Variants in MCPH1 observed in about 807,000 individuals in gnomAD.
MCPH1 encodes microcephalin.
Under a neutral mutation model 84.5 loss-of-function variants are expected in MCPH1, and 104 were observed. That is an observed-to-expected ratio of 1.23 (90% CI 1.05 to 1.45). The LOEUF (loss-of-function observed/expected upper bound fraction) is 1.45, where lower values mean the gene tolerates loss of function less well. Ranked by LOEUF, MCPH1 falls within the 40% of genes most tolerant of loss-of-function variation. The probability of loss-of-function intolerance (pLI) is 0.00; values close to 1 mark genes in which losing one functional copy is unlikely to be tolerated. For synonymous variants in MCPH1, 514 were observed against 366.8 expected, an observed-to-expected ratio of 1.40 and a Z score of -4.58; for missense variants, 1,498 against 1,005.7, an observed-to-expected ratio of 1.49 and a Z score of -6.62.
At chr8:6,558,952 T>G (rs1825081171) in intron 12 of MCPH1, among the ~76,000 whole-genome samples, 1 of 152,118 alleles carries the variant, frequency 6.6e-6, no homozygotes, top group South Asian at 2.1e-4. Flanking sequence ...AAATTAAATA[T>G]GTTGCAGTTC....
At chr8:6,624,522 C>T in intron 13 of MCPH1, among the ~76,000 whole-genome samples, 1 of 152,186 alleles carries the variant, frequency 6.6e-6, no homozygotes, top group Admixed American at 6.5e-5. Context: ...ACGTAGTTCT[C>T]AAGTATTTAT....
Position 6,627,202 on chromosome 8 carries a change from C to T in MCPH1, c.2452+5511C>T, listed in dbSNP as rs1270878163. The T allele has an allele frequency of 2.1e-5, 21 of 985,400 alleles. No homozygotes were observed. In the East Asian group the frequency reaches 5.7e-4, roughly 27 times the overall value. The allele number at this position is 985,400 out of a possible 1,614,324, so 61.0% of individuals were successfully genotyped here. A position where few individuals can be genotyped will look rare whatever the true frequency, so the allele number is the denominator to read the frequency against. ...GGCCACTCGGGAGGCCTCAGGCCTT[C>T]GGGCTTCCTGATTCAGTAGATATGT... On this transcript the variant is annotated intron_variant, in intron 13 of 13. Transcript: ENST00000344683.
chr8:6,597,298 C>T (rs767751015), intron 12 of MCPH1, among the ~76,000 whole-genome samples: 2 of 152,188 alleles, frequency 1.3e-5, no homozygotes. Flanking sequence ...GAAAGCAGGA[C>T]ACAGGCAAGC....
At chr8:6,509,535 GA>G (rs1814521365) in intron 12 of MCPH1, among the ~76,000 whole-genome samples, 1 of 152,164 alleles carries the variant, frequency 6.6e-6, no homozygotes. Flanking sequence ...GAAATCTACA[GA>G]ACGGTGCTGA....
intron 10 of MCPH1, among the ~76,000 whole-genome samples, chr8:6,479,756 G>A (rs1808952675): frequency 6.6e-6 from 1 of 152,106 alleles, no homozygotes; most frequent in African/African-American, 2.4e-5. Context: ...TATTATAAAA[G>A]GGAAGAAAGA....
At chr8:6,593,243 C>T (rs1267884893) in intron 12 of MCPH1, among the ~76,000 whole-genome samples, 1 of 150,570 alleles carries the variant, frequency 6.6e-6, no homozygotes, top group African/African-American at 2.5e-5. Context: ...GCTACCATGC[C>T]CGGCTAATTT....
chr8:6,504,041 G>A lies in MCPH1; in HGVS notation c.2214+4112G>A, dbSNP rs530552842. Among the ~76,000 whole-genome samples the A allele has an allele frequency of 9.2e-5, 14 of 152,324 alleles. No individual in the cohort carries two copies. In the South Asian group the frequency reaches 2.7e-3, roughly 29 times the overall value. ...TAGAAATATTCTATAAGCAGGGGCC[G>A]GGCGCAGTGGCTCACGCCTGTAATC... On this transcript the variant is annotated intron_variant, in intron 12 of 13. Transcript: ENST00000344683.
At chr8:6,443,792 A>T (rs746310343) in intron 7 of MCPH1, among the ~76,000 whole-genome samples, 64 of 152,204 alleles carry the variant, frequency 4.2e-4, no homozygotes, top group African/African-American at 7.5e-4. Flanking sequence ...AGTGTGGAGG[A>T]AAGGGGAAGG....
At chr8:6,562,572 G>GTTTTTAAAAACA in intron 12 of MCPH1, 1 of 42,834 alleles carries the variant, frequency 2.3e-5, no homozygotes. Context: ...TTTTTTTTTT[G>GTTTTTAAAAACA]GTTGTTAAAA....
intron 12 of MCPH1, among the ~76,000 whole-genome samples, chr8:6,545,544 T>C (rs1822432286): frequency 6.6e-6 from 1 of 152,240 alleles, no homozygotes; most frequent in Non-Finnish European, 1.5e-5. Flanking sequence ...TAGAGAACTG[T>C]GGATTAAACC....
At chr8:6,538,810 A>G (rs943254116) in intron 12 of MCPH1, among the ~76,000 whole-genome samples, 4 of 152,242 alleles carry the variant, frequency 2.6e-5, no homozygotes, top group Non-Finnish European at 4.4e-5. Context: ...CAACCATTCT[A>G]CATATACACC....
intron 12 of MCPH1, among the ~76,000 whole-genome samples, chr8:6,547,278 A>C (rs1037606736): frequency 8.5e-5 from 13 of 152,070 alleles, no homozygotes; most frequent in African/African-American, 3.1e-4. Context: ...TGATTCTCCA[A>C]ATGCTTGTGG....
At chr8:6,632,578 G>C (rs1563218908) in intron 13 of MCPH1, among the ~76,000 whole-genome samples, 1 of 152,158 alleles carries the variant, frequency 6.6e-6, no homozygotes, top group African/African-American at 2.4e-5. Context: ...GGAAGGCCGA[G>C]GGGGGCGGAT....
chr8:6,451,206 G>A (rs1805045315), intron 8 of MCPH1, among the ~76,000 whole-genome samples: 1 of 152,164 alleles, frequency 6.6e-6, no homozygotes, highest in Non-Finnish European at 1.5e-5. Flanking sequence ...GCAAAACTAA[G>A]CAATCCTAGC....
chr8:6,499,244 G>T (rs1009781208), intron 11 of MCPH1, among the ~76,000 whole-genome samples: 2 of 151,980 alleles, frequency 1.3e-5, no homozygotes, highest in Admixed American at 6.6e-5. Flanking sequence ...GGAAAAGATT[G>T]TATTGATCAT....
intron 6 of MCPH1, among the ~76,000 whole-genome samples, chr8:6,441,517 T>C (rs1803507416): frequency 6.6e-6 from 1 of 152,218 alleles, no homozygotes; most frequent in Admixed American, 6.5e-5. Flanking sequence ...CCTTTGAAGA[T>C]AATACTTACG....
At chr8:6,542,042 G>A (rs1008135872) in intron 12 of MCPH1, among the ~76,000 whole-genome samples, 27 of 150,956 alleles carry the variant, frequency 1.8e-4, no homozygotes, top group Non-Finnish European at 3.2e-4. Context: ...AATGATAAAT[G>A]ATTACAAATA....
At chr8:6,566,579 A>T (rs1185377123) in intron 12 of MCPH1, among the ~76,000 whole-genome samples, 1 of 152,094 alleles carries the variant, frequency 6.6e-6, no homozygotes, top group East Asian at 1.9e-4. Context: ...ACCATGTGTG[A>T]TCAGCAAGGC....
intron 7 of MCPH1, among the ~76,000 whole-genome samples, chr8:6,442,927 C>T (rs1170558465): frequency 6.6e-6 from 1 of 152,220 alleles, no homozygotes; most frequent in Non-Finnish European, 1.5e-5. Context: ...ACTCTCACCT[C>T]TGTGTGCTGG....
Sources: gnomAD v4.1 joint callset for allele counts (sites outside exome capture counted in the v4.1 genomes callset) on GRCh38, gnomAD v4.1.1 for gene constraint, MANE v1.5 for transcripts, NCBI Gene and HGNC (gene_info 2026-07-23, HGNC 2026-07-21) for gene names.